Variants in KRT40 observed in about 807,000 individuals in gnomAD.
KRT40 encodes the protein keratin 40.
In KRT40, 47 loss-of-function variants were observed where a neutral mutation model predicts 43.5. That is an observed-to-expected ratio of 1.08 (90% confidence interval 0.86 to 1.38). The LOEUF (loss-of-function observed/expected upper bound fraction) is 1.38, where lower values mean the gene tolerates loss of function less well. Ranked by LOEUF, KRT40 falls within the 40% of genes most tolerant of loss-of-function variation. The pLI is 0.00. For synonymous variants in KRT40, 212 were observed against 214.0 expected (o/e 0.99, Z 0.08); for missense variants, 573 against 523.6 (o/e 1.09, Z -0.92).
intron 6 of KRT40, 111 bp downstream of exon 6, chr17:40,978,693 C>T: frequency 3.5e-6 from 3 of 860,682 alleles, no homozygotes; most frequent in East Asian, 2.4e-5. Context: ...TAAGAAGATC[C>T]CTAAACACAC....
rs1002211692 is a variant in KRT40, at chr17:40,983,254, C to T, written c.448-126G>A. The T allele has an allele frequency of 5.9e-6, 3 of 505,730 alleles. No individual in the cohort carries two copies. In the African/African-American group the frequency reaches 6.0e-5, roughly 10 times the overall value. The allele number at this position is 505,730 out of a possible 1,614,324, so 31.3% of individuals were successfully genotyped here. A position where few individuals can be genotyped will look rare whatever the true frequency, so the allele number is the denominator to read the frequency against. On this transcript the variant is annotated intron_variant, in intron 1 of 6. Coordinates refer to ENST00000377755, the MANE Select transcript of KRT40 (RefSeq NM_001389244.1). ...TAAGAAAGTATAAAATCACCCTCAGCCTGCTTTTTTTTATTAACCTTGTCA... is the reference window on the plus strand; with the variant it reads ...TAAGAAAGTATAAAATCACCCTCAGTCTGCTTTTTTTTATTAACCTTGTCA...
In KRT40 at chr17:40,978,276, G is replaced by A. The variant is rs16968862; in HGVS notation, c.1217C>T (p.Ser406Leu). The A allele has an allele frequency of 0.13, 204,159 of 1,611,868 alleles. 14,520 individuals are homozygous for A. Among genetic ancestry groups the A allele is most frequent in the Middle Eastern group, 0.29 (1,749 of 6,058 alleles). Residue 406 changes from serine to leucine, a missense_variant, in exon 7 of 7, where the codon TCG (serine) becomes TTG (leucine). By Grantham distance (145) the Ser-to-Leu change is moderately radical. Coordinates refer to ENST00000377755, the MANE Select transcript of KRT40 (RefSeq NM_001389244.1). ...AGTGTTGCTCGAGGTGCATGTGGTC[G>A]AACATGGGCTACAGGAAAGCCTGGG... Reference protein sequence around the residue: ...EDSRLSCSPCSTTCTSSNTCE... With the variant: ...EDSRLSCSPCLTTCTSSNTCE...
At chr17:40,984,410 G>T, upstream of KRT40, 1 of 639,324 alleles carries the variant, frequency 1.6e-6, no homozygotes, top group Non-Finnish European at 2.7e-6. Flanking sequence ...TATCACTGAT[G>T]GTGCCAGTTT....
At position 40,982,358 on chromosome 17, in the gene KRT40, A is replaced by C. The variant is rs776813126; in HGVS notation, c.636T>G (p.His212Gln). 1.9e-6 allele frequency: 3 copies of C among 1,608,588 alleles called. No individual in the cohort carries two copies. The highest frequency in any genetic ancestry group is 2.5e-6 in the Non-Finnish European group (3 of 1,177,642). The change falls in exon 3 of 7, where the codon CAT becomes CAG. Residue 212 changes from histidine to glutamine, a missense_variant. His to Gln is a conservative substitution (Grantham distance 24, BLOSUM62 0). Coordinates refer to ENST00000377755, the MANE Select transcript of KRT40 (RefSeq NM_001389244.1). ...LTLCKSDLEA[H>Q]VESLKEDLLC... is the part of the protein sequence containing the mutation. ...GGAGATCTTCCTTCAGAGACTCCAC[A>C]TGGGCCTCCAGATCAGATTTGCACA...
chr17:40,983,848 G>T lies in KRT40; in HGVS notation c.426C>A (p.Thr142=). The stretch of plus-strand genomic sequence containing the variant: ...AGACCTTTTGTTGGAGATCTTCAAT[G>T]GTGTTGAAGTAACGCTGATAATCCG... ...VCPDYQRYFN[T]IEDLQQKILC... is the part of the protein sequence containing the mutation. The change falls in exon 1 of 7, where the codon ACC becomes ACA. Residue 142 remains threonine (T), a synonymous_variant. Transcript: ENST00000377755. 1.2e-6 allele frequency: 2 copies of T among 1,613,908 alleles called. No individual in the cohort carries two copies. The highest frequency in any genetic ancestry group is 1.7e-6 in the Non-Finnish European group (2 of 1,179,820).
chr17:40,986,931 C>G (rs1332101196), upstream of KRT40: 1 of 152,198 alleles, frequency 6.6e-6, no homozygotes, highest in Admixed American at 6.5e-5. Flanking sequence ...CCTTTCTGGG[C>G]TCACTTCCTG....
At position 40,980,908 on chromosome 17, in the gene KRT40, T is replaced by C. The variant is rs532817682; in HGVS notation, c.852A>G (p.Thr284=). Reference sequence around the variant, plus strand: ...ACAGTTGCTGCTGATTCAGCTCTTCTGTCTGAAACACAGACACCATTAGAG... The same window carrying C: ...ACAGTTGCTGCTGATTCAGCTCTTCCGTCTGAAACACAGACACCATTAGAG... ...REAEEWLAVQ[T]EELNQQQLSS... is the part of the protein sequence containing the mutation. Residue 284 remains threonine, a splice_region_variant and synonymous_variant, in exon 5 of 7, where the codon ACA becomes ACG. Transcript: ENST00000377755. 5.6e-6 allele frequency: 9 copies of C among 1,614,062 alleles called. No homozygotes were observed. The highest frequency in any genetic ancestry group is 1.3e-5 in the African/African-American group (1 of 75,014).
intron 3 of KRT40, among the ~76,000 whole-genome samples, chr17:40,981,611 G>A (rs1442107558): frequency 2.6e-5 from 4 of 152,164 alleles, no homozygotes; most frequent in Admixed American, 2.6e-4. Flanking sequence ...TCCAGATAGT[G>A]CACAGTCTTT....
rs1911965945 is a variant in KRT40 at position 40,978,992 on chromosome 17, G to A, written c.1008C>T (p.Thr336=). 4 of 1,613,882 alleles carry A rather than the reference G, an allele frequency of 2.5e-6. No homozygotes were observed. In the South Asian group the frequency reaches 3.3e-5, roughly 13 times the overall value. ...CCAGCTGGGAGCTGTACTGGGCCTCGGTTTCTGCCACGGTGCATTCCAGAG... is the reference window on the plus strand; with the variant it reads ...CCAGCTGGGAGCTGTACTGGGCCTCAGTTTCTGCCACGGTGCATTCCAGAG... ...TESLECTVAE[T]EAQYSSQLAQ... Residue 336 remains threonine (T), a synonymous_variant, in exon 6 of 7, where the codon ACC becomes ACT. Coordinates refer to ENST00000377755, the MANE Select transcript of KRT40 (RefSeq NM_001389244.1).
intron 1 of KRT40, 138 bp from the exon 2 acceptor site, chr17:40,983,266 T>A (rs935115883): frequency 1.6e-5 from 8 of 498,456 alleles, no homozygotes; most frequent in East Asian, 6.2e-5. Context: ...TGCTTTTTTT[T>A]ATTAACCTTG....
At chr17:40,980,653 C>T (rs1386914682) in intron 5 of KRT40, 132 bp downstream of exon 5, 21 of 1,206,092 alleles carry the variant, frequency 1.7e-5, no homozygotes, top group Non-Finnish European at 2.1e-5. Context: ...ACTTCTGCTT[C>T]TATTAATAGC....
chr17:40,980,672 C>T (rs959041391), intron 5 of KRT40, 113 bp downstream of exon 5: 6 of 1,352,138 alleles, frequency 4.4e-6, no homozygotes, highest in Admixed American at 2.3e-5. Flanking sequence ...GCTGGGTAAA[C>T]GGCAGTACTC....
chr17:40,981,119 GTCGCC>G lies in KRT40; in HGVS notation c.715_719del (p.Gly239ProfsTer13). ...CAGTGTCCAGCTCCACACTGAGGCG[GTCGCC>G]AAGCTGTTCACGAAGCAAGTTGACT... is the stretch of plus-strand genomic sequence containing the variant. On this transcript the variant is annotated frameshift_variant, in exon 4 of 7. Coordinates refer to ENST00000377755, the MANE Select transcript of KRT40 (RefSeq NM_001389244.1). LOFTEE classifies it high-confidence loss of function. 2 of 1,614,130 alleles carry G rather than the reference GTCGCC, an allele frequency of 1.2e-6. No homozygotes were observed. Among genetic ancestry groups the G allele is most frequent in the Non-Finnish European group, 1.7e-6 (2 of 1,180,022 alleles).
chr17:40,982,351 A>C lies in KRT40; in HGVS notation c.643T>G (p.Ser215Ala). Residue 215 changes from serine to alanine, a missense_variant, in exon 3 of 7, where the codon TCT (serine) becomes GCT (alanine). Transcript: ENST00000377755. ...AGGCAAAGGAGATCTTCCTTCAGAG[A>C]CTCCACATGGGCCTCCAGATCAGAT... ...CKSDLEAHVE[S>A]LKEDLLCLKK... The C allele has an allele frequency of 2.5e-6, 4 of 1,600,118 alleles. No homozygotes were observed. The highest frequency in any genetic ancestry group is 3.4e-6 in the Non-Finnish European group (4 of 1,174,180).
At chr17:40,983,804 C>T in intron 1 of KRT40, 23 bp downstream of exon 1, 4 of 1,604,600 alleles carry the variant, frequency 2.5e-6, no homozygotes, top group Non-Finnish European at 3.4e-6. Context: ...GAAGGTGGAG[C>T]ACTAGGGCAA....
In KRT40 at chr17:40,978,123, T is replaced by A; in HGVS notation, c.*74A>T. On this transcript the variant is annotated 3_prime_UTR_variant, in exon 7 of 7. Coordinates refer to ENST00000377755, the MANE Select transcript of KRT40 (RefSeq NM_001389244.1). ...CCTGGATTTGTGCTTCCGGTTTGGA[T>A]GTCCCTGGTTGAAGCCCCATCTCCT... 9.0e-7 allele frequency: 1 copy of A among 1,110,102 alleles called. No individual in the cohort carries two copies. The highest frequency in any genetic ancestry group is 1.4e-6 in the Non-Finnish European group (1 of 729,652). The allele number at this position is 1,110,102 out of a possible 1,614,324, so 68.8% of individuals were successfully genotyped here.
Position 40,984,115 on chromosome 17 carries a change from G to A in KRT40, c.159C>T (p.Arg53=), listed in dbSNP as rs771697203. Residue 53 remains arginine (R), a synonymous_variant, in exon 1 of 7, where the codon CGC becomes CGT. Transcript: ENST00000377755. ...ATGGCAGGAGGCAACCAGTCAGCCC[G>A]CGAGACCTGGATAGGAAGCTTGGAG... ...CQTPSFLSRS[R]GLTGCLLPCY... 9 of 1,613,954 alleles carry A rather than the reference G, an allele frequency of 5.6e-6. No homozygotes were observed. The highest frequency in any genetic ancestry group is 1.6e-4 in the Middle Eastern group (1 of 6,084).
intron 2 of KRT40, among the ~76,000 whole-genome samples, chr17:40,982,693 G>A (rs551238770): frequency 6.2e-4 from 94 of 151,802 alleles, no homozygotes; most frequent in Non-Finnish European, 7.8e-4. Flanking sequence ...GAGAGAGAGA[G>A]CCATAAGTTA....
intron 2 of KRT40, 47 bp downstream of exon 2, chr17:40,982,999 A>G (rs1350497414): frequency 1.0e-5 from 8 of 791,236 alleles, no homozygotes; most frequent in Non-Finnish European, 1.5e-5. Flanking sequence ...CAAGAGTGAA[A>G]CTCCATCTCA....
Sources: gnomAD v4.1 joint callset for allele counts (sites outside exome capture counted in the v4.1 genomes callset) on GRCh38, gnomAD v4.1.1 for gene constraint, MANE v1.5 for transcripts, NCBI Gene and HGNC (gene_info 2026-07-23, HGNC 2026-07-21) for gene names.